The following FGD5 variants were observed in gnomAD, a reference collection of about 807,000 sequenced individuals.
FGD5 encodes the protein FYVE, RhoGEF and PH domain-containing protein 5.
Under a neutral mutation model 133.4 loss-of-function variants are expected in FGD5, and 28 were observed. The observed-to-expected ratio is 0.21, with a 90% confidence interval of 0.16 to 0.29. The LOEUF (loss-of-function observed/expected upper bound fraction) is 0.29. Among genes scored for constraint, FGD5 ranks in the 10% least tolerant of loss-of-function variants. The pLI is 1.00. For synonymous variants in FGD5, 810 were observed against 776.5 expected, an observed-to-expected ratio of 1.04 and a Z score of -0.72; for missense variants, 1,858 against 1,895.2, an observed-to-expected ratio of 0.98 and a Z score of 0.36.
chr3:14,917,129 G>A lies in FGD5; in HGVS notation c.3406-120G>A, dbSNP rs1237638668. The A allele has an allele frequency of 2.3e-5, 19 of 814,050 alleles. 1 individual carries two copies. In the East Asian group the frequency reaches 5.4e-4, roughly 23 times the overall value. The allele number at this position is 814,050 out of a possible 1,614,324, so 50.4% of individuals were successfully genotyped here. A position where few individuals can be genotyped will look rare whatever the true frequency, so the allele number is the denominator to read the frequency against. ...GGCCGCAACGTTTTTGCTCACCTGT[G>A]GGGGTTACTGAGGAATACAAGATGC... On this transcript the variant is annotated intron_variant, in intron 11 of 19. Coordinates refer to ENST00000285046, the MANE Select transcript of FGD5 (RefSeq NM_152536.4). The surrounding 1 kb of genome is among the most constrained non-coding windows in gnomAD (Gnocchi z 4.1).
Position 14,819,924 on chromosome 3 carries a change from G to A in FGD5, c.853G>A (p.Val285Ile), listed in dbSNP as rs745784512. The change falls in exon 1 of 20, where the codon GTC (valine) becomes ATC (isoleucine). Residue 285 changes from valine to isoleucine, a missense_variant. By Grantham distance (29) the Val-to-Ile change is conservative. Transcript: ENST00000285046. This position sits in a 1 kb window ranked among gnomAD's most constrained non-coding sequence, Gnocchi z 4.1. Reference protein sequence around the residue: ...LEEGCEEATGVTGGEQVDLSE... With the variant: ...LEEGCEEATGITGGEQVDLSE... Reference sequence around the variant, plus strand: ...GGAGGGATGTGAAGAGGCCACGGGTGTCACAGGTGGGGAACAGGTTGACCT... The same window carrying A: ...GGAGGGATGTGAAGAGGCCACGGGTATCACAGGTGGGGAACAGGTTGACCT... The A allele has an allele frequency of 1.9e-6, 3 of 1,613,940 alleles. No individual in the cohort carries two copies. Among genetic ancestry groups the A allele is most frequent in the Non-Finnish European group, 2.5e-6 (3 of 1,179,880 alleles).
intron 4 of FGD5, among the ~76,000 whole-genome samples, chr3:14,896,698 T>C (rs2038146176): frequency 6.6e-6 from 1 of 152,172 alleles, no homozygotes; most frequent in South Asian, 2.1e-4. Context: ...CTTGAACTCC[T>C]GACCTCAGGT....
In FGD5 at chr3:14,922,161, C is replaced by T; in HGVS notation, c.3669+144C>T. The T allele has an allele frequency of 9.8e-7, 1 of 1,017,336 alleles. No homozygotes were observed. The highest frequency in any genetic ancestry group is 1.5e-5 in the South Asian group (1 of 65,992). 63.0% of individuals were successfully genotyped at this position (1,017,336 alleles called of 1,614,324 possible). A position where few individuals can be genotyped will look rare whatever the true frequency, so the allele number is the denominator to read the frequency against. On this transcript the variant is annotated intron_variant, in intron 14 of 19. Coordinates refer to ENST00000285046, the MANE Select transcript of FGD5 (RefSeq NM_152536.4). This position sits in a 1 kb window ranked among gnomAD's most constrained non-coding sequence, Gnocchi z 4.1. The stretch of plus-strand genomic sequence containing the variant: ...GCTCCCCCCACACCCCTGCCATGCT[C>T]CCACCCTAGTCAGGGGCGGCCTCCG...
chr3:14,880,920 G>A (rs2037812912), intron 4 of FGD5, 148 bp downstream of exon 4: 5 of 1,040,190 alleles, frequency 4.8e-6, no homozygotes, highest in Admixed American at 2.0e-5. Flanking sequence ...TTTCAGGGAA[G>A]TCCGTCTCCT....
intron 4 of FGD5, among the ~76,000 whole-genome samples, chr3:14,881,770 G>T (rs1377261343): frequency 6.6e-6 from 1 of 152,192 alleles, no homozygotes; most frequent in Non-Finnish European, 1.5e-5. Flanking sequence ...GAGGTGACAT[G>T]GCCCAAGTCA....
intron 1 of FGD5, among the ~76,000 whole-genome samples, chr3:14,825,142 A>G (rs543493941): frequency 6.6e-6 from 1 of 152,260 alleles, no homozygotes; most frequent in Non-Finnish European, 1.5e-5. Flanking sequence ...TCAGGGTCTA[A>G]TGGATGATTG....
At chr3:14,884,979 T>C (rs1207157337) in intron 4 of FGD5, among the ~76,000 whole-genome samples, 3 of 151,834 alleles carry the variant, frequency 2.0e-5, no homozygotes, top group African/African-American at 7.3e-5. Flanking sequence ...AAGCCTGCTC[T>C]GGACCGAACA....
At chr3:14,851,657 A>AT (rs559626583) in intron 1 of FGD5, among the ~76,000 whole-genome samples, 17 of 152,172 alleles carry the variant, frequency 1.1e-4, no homozygotes, top group Non-Finnish European at 2.2e-4. Flanking sequence ...TTGTTCTTGA[A>AT]TGTTACCTCT....
intron 4 of FGD5, among the ~76,000 whole-genome samples, chr3:14,881,392 G>T (rs192328382): frequency 6.6e-6 from 1 of 152,120 alleles, no homozygotes; most frequent in African/African-American, 2.4e-5. Context: ...TTGAGCTCTC[G>T]CTGCATAACA....
intron 1 of FGD5, among the ~76,000 whole-genome samples, chr3:14,838,445 T>C (rs979239011): frequency 6.6e-6 from 1 of 152,202 alleles, no homozygotes; most frequent in Non-Finnish European, 1.5e-5. Flanking sequence ...GGAGTGGACA[T>C]TTTGAGGGCT....
At chr3:14,860,650 A>G (rs1486836022) in intron 1 of FGD5, among the ~76,000 whole-genome samples, 2 of 152,180 alleles carry the variant, frequency 1.3e-5, no homozygotes, top group Non-Finnish European at 2.9e-5. Flanking sequence ...ACACGTTATT[A>G]TAATTTAATA....
chr3:14,881,277 A>G (rs2037820153), intron 4 of FGD5, among the ~76,000 whole-genome samples: 1 of 127,102 alleles, frequency 7.9e-6, no homozygotes, highest in Non-Finnish European at 1.7e-5. Flanking sequence ...TTCAGAGGAA[A>G]GGAGGCCAGA....
chr3:14,918,117 G>A (rs945934445), intron 12 of FGD5, among the ~76,000 whole-genome samples: 3 of 152,254 alleles, frequency 2.0e-5, no homozygotes, highest in African/African-American at 7.2e-5. Context: ...TATGTGTGGG[G>A]CTTAGCTCCG....
rs17324422 is a variant in FGD5 at position 14,916,323 on chromosome 3, C to T, written c.3406-926C>T. Among the ~76,000 whole-genome samples, 1,115 of 152,344 alleles carry T rather than the reference C, an allele frequency of 7.3e-3. 4 individuals carry two copies. Among genetic ancestry groups the T allele is most frequent in the Non-Finnish European group, 0.012 (842 of 68,030 alleles). On this transcript the variant is annotated intron_variant, in intron 11 of 19. Transcript: ENST00000285046. The stretch of plus-strand genomic sequence containing the variant: ...AACCCTGAGCGTGATGTCATCTTCT[C>T]ACACCTGAAACCGTTTAGCTAACCA...
chr3:14,930,907 A>G (rs1457741251), intron 18 of FGD5: 2 of 152,154 alleles, frequency 1.3e-5, no homozygotes, highest in African/African-American at 2.4e-5. Flanking sequence ...CTGCTACTAT[A>G]TACACATAAA....
intron 1 of FGD5, among the ~76,000 whole-genome samples, chr3:14,850,869 G>C (rs532473846): frequency 6.6e-6 from 1 of 152,250 alleles, no homozygotes; most frequent in South Asian, 2.1e-4. Context: ...TCTTGGAAGG[G>C]GGATAGATGG....
intron 1 of FGD5, among the ~76,000 whole-genome samples, chr3:14,827,426 C>T (rs1046322710): frequency 6.6e-6 from 1 of 151,710 alleles, no homozygotes; most frequent in South Asian, 2.1e-4. Flanking sequence ...GTAGCTGAGG[C>T]GCCCGCCACC....
chr3:14,861,160 G>C (rs2037390869), intron 1 of FGD5, among the ~76,000 whole-genome samples: 1 of 152,184 alleles, frequency 6.6e-6, no homozygotes, highest in Admixed American at 6.5e-5. Context: ...GCTGAAGACG[G>C]GGGAGTGGCT....
In FGD5 at chr3:14,820,846, C is replaced by G; in HGVS notation, c.1775C>G (p.Ser592Cys). Residue 592 changes from serine (S) to cysteine (C), a missense_variant, in exon 1 of 20, where the codon TCT (serine) becomes TGT (cysteine). Physicochemically the swap from Ser to Cys is moderately radical, Grantham distance 112 (BLOSUM62 -1). Transcript: ENST00000285046. ...NLSLSCVIGS[S>C]GSFSQRNHLP... ...TCTCTGTCGTGTGTAATTGGCTCCTCTGGGAGTTTCTCCCAGAGAAACCAC... is the reference window on the plus strand; with the variant it reads ...TCTCTGTCGTGTGTAATTGGCTCCTGTGGGAGTTTCTCCCAGAGAAACCAC... 1.2e-6 allele frequency: 2 copies of G among 1,613,772 alleles called. No individual in the cohort carries two copies. Among genetic ancestry groups the G allele is most frequent in the South Asian group, 2.2e-5 (2 of 91,062 alleles).
Sources: gnomAD v4.1 joint callset for allele counts (sites outside exome capture counted in the v4.1 genomes callset) on GRCh38, gnomAD v4.1.1 for gene constraint, Gnocchi (gnomAD v3.1) non-coding constraint, MANE v1.5 for transcripts, NCBI Gene and HGNC (gene_info 2026-07-23, HGNC 2026-07-21) for gene names.